Variants in NEK1 observed in about 807,000 individuals in gnomAD.
NEK1 encodes the protein serine/threonine-protein kinase Nek1.
In NEK1, 137 loss-of-function variants were observed where a neutral mutation model predicts 182.1. That is an observed-to-expected ratio of 0.75 (90% CI 0.65 to 0.87). NEK1 has a LOEUF of 0.87. Ranked by LOEUF, NEK1 falls within the 40% of genes least tolerant of loss-of-function variation. The probability of loss-of-function intolerance (pLI) is 0.00; values close to 1 mark genes in which losing one functional copy is unlikely to be tolerated. For synonymous variants in NEK1, 513 were observed against 492.2 expected (o/e 1.04, Z -0.56); for missense variants, 1,391 against 1,494.4 (o/e 0.93, Z 1.14).
intron 23 of NEK1, among the ~76,000 whole-genome samples, chr4:169,489,169 T>TG (rs1749598664): frequency 6.6e-6 from 1 of 152,186 alleles, no homozygotes; most frequent in African/African-American, 2.4e-5. Context: ...CCCAATGAAT[T>TG]TATTTGTGTT....
chr4:169,558,699 T>G (rs1762488748), intron 16 of NEK1, among the ~76,000 whole-genome samples: 1 of 152,292 alleles, frequency 6.6e-6, no homozygotes, highest in African/African-American at 2.4e-5. Context: ...ATGTGGAATA[T>G]ATAATTTTTC....
At chr4:169,563,348 T>A (rs532087452) in intron 12 of NEK1, among the ~76,000 whole-genome samples, 14 of 151,354 alleles carry the variant, frequency 9.2e-5, no homozygotes, top group Admixed American at 7.2e-4. Flanking sequence ...CAGAGCGAGA[T>A]CCTGTCTCAA....
chr4:169,414,699 T>TG (rs1473519663), intron 31 of NEK1, among the ~76,000 whole-genome samples: 1 of 152,362 alleles, frequency 6.6e-6, no homozygotes, highest in East Asian at 1.9e-4. Context: ...TCCTGACCTC[T>TG]GCTCCAGATA....
chr4:169,584,226 A>G (rs1023612964), intron 10 of NEK1, among the ~76,000 whole-genome samples: 3 of 151,598 alleles, frequency 2.0e-5, no homozygotes, highest in Non-Finnish European at 4.4e-5. Context: ...AGGAGAAATC[A>G]TGAGTCAGTA....
At chr4:169,497,563 C>T (rs1415877574) in intron 23 of NEK1, among the ~76,000 whole-genome samples, 6 of 152,192 alleles carry the variant, frequency 3.9e-5, no homozygotes, top group Non-Finnish European at 5.9e-5. Context: ...TTTCCTTCTA[C>T]GCACTGCTTT....
chr4:169,435,074 C>A (rs1042436254), intron 28 of NEK1, among the ~76,000 whole-genome samples: 78 of 152,152 alleles, frequency 5.1e-4, no homozygotes, highest in African/African-American at 1.8e-3. Context: ...TTAGTTCAGG[C>A]TACTATAACA....
chr4:169,584,517 T>G (rs1176993905), intron 10 of NEK1, among the ~76,000 whole-genome samples: 2 of 152,022 alleles, frequency 1.3e-5, no homozygotes, highest in Admixed American at 6.6e-5. Context: ...GAGACTAAGA[T>G]GGAAGGATGG....
Position 169,576,927 on chromosome 4 carries a change from C to A in NEK1, c.1020+1G>T, listed in dbSNP as rs980051423. 6.3e-7 allele frequency: 1 copy of A among 1,595,610 alleles called. No individual in the cohort carries two copies. On this transcript the variant is annotated splice_donor_variant, in intron 12 of 35. Transcript: ENST00000507142. LOFTEE classifies it high-confidence loss of function. ...ACACATGGTATGTAACATGATCATA[C>A]CTGTTTATGTTTTTGCAGTGGTTTC...
intron 27 of NEK1, among the ~76,000 whole-genome samples, chr4:169,457,558 C>T (rs1270503910): frequency 6.7e-6 from 1 of 150,340 alleles, no homozygotes. Flanking sequence ...TCAAGACCAG[C>T]CTGGGAAACA....
At chr4:169,607,763 T>G (rs1771625075) in intron 2 of NEK1, among the ~76,000 whole-genome samples, 1 of 152,044 alleles carries the variant, frequency 6.6e-6, no homozygotes, top group South Asian at 2.1e-4. Context: ...GCGCCTGGCC[T>G]CAAAATTTAT....
intron 26 of NEK1, among the ~76,000 whole-genome samples, chr4:169,464,989 G>A (rs1280062772): frequency 6.6e-6 from 1 of 151,946 alleles, no homozygotes; most frequent in African/African-American, 2.4e-5. Flanking sequence ...CAGGTACCTA[G>A]TAGTAACATA....
chr4:169,498,903 G>C (rs1299492760), intron 23 of NEK1, among the ~76,000 whole-genome samples: 1 of 152,144 alleles, frequency 6.6e-6, no homozygotes. Context: ...TCTTCTCGAG[G>C]AGTATCTTTG....
chr4:169,472,222 C>T (rs924316691), intron 26 of NEK1, among the ~76,000 whole-genome samples: 4 of 152,170 alleles, frequency 2.6e-5, no homozygotes, highest in South Asian at 4.1e-4. Flanking sequence ...TCTCCCCAAA[C>T]GGCCATCCAG....
intron 5 of NEK1, among the ~76,000 whole-genome samples, chr4:169,596,653 T>C (rs1221925523): frequency 6.6e-6 from 1 of 152,170 alleles, no homozygotes; most frequent in East Asian, 1.9e-4. Flanking sequence ...GAATCATCTG[T>C]TTCACAGGTC....
chr4:169,452,408 T>A (rs1381288879), intron 27 of NEK1, among the ~76,000 whole-genome samples: 1 of 152,108 alleles, frequency 6.6e-6, no homozygotes, highest in East Asian at 1.9e-4. Context: ...GATGCGAAAA[T>A]CCTCAGTAAA....
chr4:169,539,020 G>C (rs537972564), intron 18 of NEK1, among the ~76,000 whole-genome samples: 4 of 152,204 alleles, frequency 2.6e-5, no homozygotes, highest in Non-Finnish European at 4.4e-5. Context: ...ACCTCATGTA[G>C]TACTTAAAAA....
At chr4:169,513,131 A>C (rs1203662798) in intron 19 of NEK1, among the ~76,000 whole-genome samples, 1 of 152,092 alleles carries the variant, frequency 6.6e-6, no homozygotes, top group East Asian at 1.9e-4. Context: ...ATTAAAAAAT[A>C]TTTTCTGAGA....
At chr4:169,433,792 A>C (rs1737870280) in intron 28 of NEK1, 127 bp from the exon 29 acceptor site, 2 of 901,780 alleles carry the variant, frequency 2.2e-6, no homozygotes, top group African/African-American at 1.7e-5. Flanking sequence ...AGAAAAATTA[A>C]GTATTCTCTC....
In NEK1 at chr4:169,562,152, C is replaced by T. The variant is rs1475870955; in HGVS notation, c.1065G>A (p.Arg355=). The T allele has an allele frequency of 6.5e-7, 1 of 1,544,998 alleles. No individual in the cohort carries two copies. Among genetic ancestry groups the T allele is most frequent in the Non-Finnish European group, 8.8e-7 (1 of 1,142,100 alleles). Residue 355 remains arginine, a synonymous_variant, in exon 13 of 36, where the codon AGG becomes AGA. Transcript: ENST00000507142. The part of the protein sequence containing the change: ...PEKRVNTGEE[R]RKISEEAARK... ...GTCTTTATACCTCAGATATTTTCCTCCTTTCTTCTCCAGTATTCACTCTCT... is the reference window on the plus strand; with the variant it reads ...GTCTTTATACCTCAGATATTTTCCTTCTTTCTTCTCCAGTATTCACTCTCT...
Sources: gnomAD v4.1 joint callset for allele counts (sites outside exome capture counted in the v4.1 genomes callset) on GRCh38, gnomAD v4.1.1 for gene constraint, MANE v1.5 for transcripts, NCBI Gene and HGNC (gene_info 2026-07-23, HGNC 2026-07-21) for gene names.